ZNF787: variants seen among roughly 807,000 people sequenced by gnomAD.
ZNF787 encodes the protein TTF-I-interacting peptide 20.
Under a neutral mutation model 16.9 loss-of-function variants are expected in ZNF787, and 7 were observed. That is an observed-to-expected ratio of 0.42 (90% CI 0.24 to 0.78). ZNF787 has a LOEUF of 0.78. Among genes scored for constraint, ZNF787 ranks in the 30% least tolerant of loss-of-function variants. The pLI, the probability that ZNF787 is intolerant of heterozygous loss-of-function variation, is 0.30. For missense variants in ZNF787, 551 were observed against 589.3 expected (o/e 0.94, Z 0.67); for synonymous variants, 345 against 270.9 (o/e 1.27, Z -2.69).
At chr19:56,097,683 G>A (rs1393881416) in intron 2 of ZNF787, among the ~76,000 whole-genome samples, 4 of 152,216 alleles carry the variant, frequency 2.6e-5, no homozygotes, top group South Asian at 2.1e-4. Context: ...GTGTTCCTGC[G>A]TGCAGGCACG....
chr19:56,096,017 C>G (rs1201747639), intron 2 of ZNF787, among the ~76,000 whole-genome samples: 1 of 152,206 alleles, frequency 6.6e-6, no homozygotes, highest in Middle Eastern at 3.4e-3. Flanking sequence ...TTGAGTTTTG[C>G]TACCTGGTTG....
chr19:56,107,216 A>C (rs968510019), intron 1 of ZNF787, among the ~76,000 whole-genome samples: 6 of 152,182 alleles, frequency 3.9e-5, no homozygotes, highest in African/African-American at 1.4e-4. Flanking sequence ...ACAGAGGCCC[A>C]AGGTCTCTCC....
intron 2 of ZNF787, among the ~76,000 whole-genome samples, chr19:56,094,912 A>G (rs1765954523): frequency 6.6e-6 from 1 of 152,076 alleles, no homozygotes. Flanking sequence ...GGAGTTCGAG[A>G]CCAGCCTGGC....
intron 2 of ZNF787, among the ~76,000 whole-genome samples, chr19:56,100,045 G>A (rs116343697): frequency 0.014 from 2,193 of 152,126 alleles, 48 homozygotes; most frequent in African/African-American, 0.049. Context: ...GGCTGGGGCC[G>A]TGGTGGGAAG....
At chr19:56,116,718 G>A (rs1480167559) in intron 1 of ZNF787, among the ~76,000 whole-genome samples, 2 of 151,942 alleles carry the variant, frequency 1.3e-5, no homozygotes, top group African/African-American at 2.4e-5. Context: ...CAGATGGTGT[G>A]GATTCTCCCC....
At chr19:56,093,016 C>G (rs887025248) in intron 2 of ZNF787, among the ~76,000 whole-genome samples, 1 of 149,856 alleles carries the variant, frequency 6.7e-6, no homozygotes, top group Non-Finnish European at 1.5e-5. Flanking sequence ...CAGGAGGTGG[C>G]GGAAGTGGGC....
At chr19:56,097,531 G>A (rs17815373) in intron 2 of ZNF787, among the ~76,000 whole-genome samples, 23,041 of 152,292 alleles carry the variant, frequency 0.15, 1,980 homozygotes, top group South Asian at 0.23. Flanking sequence ...TGGACTGCGT[G>A]GACGGCGGCC....
intron 2 of ZNF787, among the ~76,000 whole-genome samples, chr19:56,092,884 G>C (rs1013030084): frequency 1.3e-5 from 2 of 151,532 alleles, no homozygotes; most frequent in Non-Finnish European, 2.9e-5. Flanking sequence ...AGGGGATGGC[G>C]TAAGTGGGAT....
At chr19:56,089,482 G>A (rs1026472168) in intron 2 of ZNF787, among the ~76,000 whole-genome samples, 1 of 152,140 alleles carries the variant, frequency 6.6e-6, no homozygotes, top group African/African-American at 2.4e-5. Context: ...AGGCTCACGG[G>A]CAAAGGTTCC....
intron 2 of ZNF787, among the ~76,000 whole-genome samples, chr19:56,095,982 A>C (rs1182410827): frequency 6.6e-6 from 1 of 152,106 alleles, no homozygotes; most frequent in African/African-American, 2.4e-5. Flanking sequence ...GGACCTAGTA[A>C]CTTTGCAACT....
chr19:56,103,767 C>T (rs1003707464), intron 1 of ZNF787, among the ~76,000 whole-genome samples: 4 of 150,106 alleles, frequency 2.7e-5, no homozygotes, highest in African/African-American at 9.8e-5. Context: ...CTGCGCACGA[C>T]ACCACCGACC....
At chr19:56,098,844 C>T (rs1238082613) in intron 2 of ZNF787, among the ~76,000 whole-genome samples, 1 of 147,620 alleles carries the variant, frequency 6.8e-6, no homozygotes, top group Non-Finnish European at 1.5e-5. Context: ...GTGATACGGC[C>T]GCAGGGTGAT....
At chr19:56,092,648 G>C (rs1438395322) in intron 2 of ZNF787, among the ~76,000 whole-genome samples, 1 of 151,956 alleles carries the variant, frequency 6.6e-6, no homozygotes, top group Non-Finnish European at 1.5e-5. Flanking sequence ...CAGCCCCACG[G>C]AGAATCCTGG....
At chr19:56,091,754 C>G (rs1274620931) in intron 2 of ZNF787, among the ~76,000 whole-genome samples, 1 of 152,250 alleles carries the variant, frequency 6.6e-6, no homozygotes, top group Non-Finnish European at 1.5e-5. Context: ...TCTTTTACAT[C>G]TTGCAGATTC....
intron 2 of ZNF787, among the ~76,000 whole-genome samples, chr19:56,093,923 A>G (rs1389130046): frequency 6.6e-6 from 1 of 152,128 alleles, no homozygotes; most frequent in East Asian, 1.9e-4. Context: ...TATCCGCTCT[A>G]TTCTTTTGCT....
At chr19:56,115,724 C>A (rs1173496445) in intron 1 of ZNF787, among the ~76,000 whole-genome samples, 2 of 152,172 alleles carry the variant, frequency 1.3e-5, no homozygotes, top group Non-Finnish European at 2.9e-5. Flanking sequence ...ACGGCAGAGA[C>A]AGCTCACGGC....
At chr19:56,110,375 G>C (rs1023552581) in intron 1 of ZNF787, among the ~76,000 whole-genome samples, 1 of 147,556 alleles carries the variant, frequency 6.8e-6, no homozygotes, top group Admixed American at 6.8e-5. Context: ...AAAAAAAAAA[G>C]AAAGAAAAAG....
In ZNF787 at chr19:56,091,913, C is replaced by A. The variant is rs1400090497; in HGVS notation, c.80-2821G>T. 1.9e-3 allele frequency among the ~76,000 whole-genome samples: 97 copies of A among 52,162 alleles called. 1 individual carries two copies. Among genetic ancestry groups the A allele is most frequent in the South Asian group, 9.7e-3 (9 of 932 alleles). 34.2% of individuals were successfully genotyped at this position (52,162 alleles called of 152,430 possible). A position where few individuals can be genotyped will look rare whatever the true frequency, so the allele number is the denominator to read the frequency against. ...GCTCCACTTGCCGCAGCCGCAGCCG[C>A]AGCCGCAGCCGAAGCCGAAGCCGAA... is the stretch of plus-strand genomic sequence containing the variant. On this transcript the variant is annotated intron_variant, in intron 2 of 2. Transcript: ENST00000610935.
At chr19:56,106,127 C>G (rs2099907696) in intron 1 of ZNF787, among the ~76,000 whole-genome samples, 2 of 151,730 alleles carry the variant, frequency 1.3e-5, no homozygotes, top group South Asian at 2.1e-4. Flanking sequence ...CCGCGCATTC[C>G]CCCGCCGCGC....
Sources: allele counts gnomAD v4.1 joint callset (sites outside exome capture counted in the v4.1 genomes callset), GRCh38; gene constraint gnomAD v4.1.1; transcripts MANE v1.5; gene names NCBI Gene and HGNC (gene_info 2026-07-23, HGNC 2026-07-21).